The following LRRC34 variants were observed in gnomAD, a reference collection of about 807,000 sequenced individuals.
LRRC34 encodes leucine-rich repeat-containing protein 34.
A neutral mutation model predicts 48.5 loss-of-function variants in LRRC34; 44 were observed. The ratio of observed to expected loss-of-function variants is 0.91; its 90% CI spans 0.71 to 1.17. The LOEUF is 1.17. Among genes scored for constraint, LRRC34 ranks in the 50% most tolerant of loss-of-function variants. LRRC34 has a pLI of 0.00. For synonymous variants in LRRC34, 192 were observed against 197.6 expected (o/e 0.97, Z 0.24); for missense variants, 502 against 563.0 (o/e 0.89, Z 1.10).
chr3:169,804,452 C>T (rs577250711), intron 5 of LRRC34, among the ~76,000 whole-genome samples: 4 of 152,090 alleles, frequency 2.6e-5, no homozygotes, highest in South Asian at 2.1e-4. Context: ...CCCACCACCA[C>T]GCCTGGCTAA....
intron 1 of LRRC34, among the ~76,000 whole-genome samples, chr3:169,811,548 G>A (rs964346635): frequency 5.9e-5 from 9 of 152,184 alleles, no homozygotes; most frequent in African/African-American, 2.2e-4. Context: ...ACCCAGCTAC[G>A]CAGGAAAATG....
chr3:169,795,898 CT>C, intron 9 of LRRC34: 1 of 1,159,930 alleles, frequency 8.6e-7, no homozygotes, highest in Non-Finnish European at 1.1e-6. Context: ...GTATTTTATT[CT>C]TTAGTTCATT....
At chr3:169,808,589 C>A in intron 2 of LRRC34, 39 bp downstream of exon 2, 2 of 1,076,822 alleles carry the variant, frequency 1.9e-6, no homozygotes, top group South Asian at 2.8e-5. Context: ...TGAATATAAG[C>A]AAACACTATT....
intron 1 of LRRC34, among the ~76,000 whole-genome samples, chr3:169,810,185 C>G (rs1018398139): frequency 2.0e-5 from 3 of 151,964 alleles, no homozygotes; most frequent in Non-Finnish European, 4.4e-5. Context: ...AAGTGATCAG[C>G]CTGCCTCAGC....
intron 5 of LRRC34, 107 bp downstream of exon 5, chr3:169,806,741 T>C: frequency 1.6e-6 from 1 of 620,448 alleles, no homozygotes. Context: ...TATACATTCC[T>C]ACAATATTAA....
intron 1 of LRRC34, among the ~76,000 whole-genome samples, chr3:169,809,085 G>T (rs1779476915): frequency 2.0e-5 from 3 of 151,792 alleles, no homozygotes; most frequent in Non-Finnish European, 4.4e-5. Context: ...GACTTCCAAA[G>T]AAATTGTATA....
At chr3:169,799,255 G>C (rs972592772) in intron 7 of LRRC34, among the ~76,000 whole-genome samples, 1 of 152,210 alleles carries the variant, frequency 6.6e-6, no homozygotes, top group African/African-American at 2.4e-5. Context: ...TTCTGAATAT[G>C]AGAATACTAC....
intron 5 of LRRC34, among the ~76,000 whole-genome samples, chr3:169,805,345 T>C (rs1779334240): frequency 6.6e-6 from 1 of 152,138 alleles, no homozygotes; most frequent in African/African-American, 2.4e-5. Flanking sequence ...TGTATTTCCA[T>C]ATGCTAACAA....
chr3:169,807,721 CAAAAAAAAA>C lies in LRRC34; in HGVS notation c.258-21_258-13del, dbSNP rs377198673. On this transcript the variant is annotated splice_polypyrimidine_tract_variant and intron_variant, in intron 2 of 10. Transcript: ENST00000446859. ...TTCCTGCTGCTAGCCTGTTAAAATA[CAAAAAAAAA>C]AAAAAAAAAAAAAGATTTTGAAATA... is the stretch of plus-strand genomic sequence containing the variant. 8 of 883,708 alleles carry C rather than the reference CAAAAAAAAA, an allele frequency of 9.1e-6. No homozygotes were observed. Among genetic ancestry groups the C allele is most frequent in the Admixed American group, 8.8e-5 (1 of 11,360 alleles). 54.7% of individuals were successfully genotyped at this position (883,708 alleles called of 1,614,324 possible).
intron 9 of LRRC34, chr3:169,795,973 G>A: frequency 8.3e-7 from 1 of 1,211,268 alleles, no homozygotes; most frequent in Non-Finnish European, 1.0e-6. Context: ...TTCAGGATAA[G>A]TAATATAAGC....
At chr3:169,795,789 T>C in intron 9 of LRRC34, 178 bp from the exon 10 acceptor site, 1 of 1,293,212 alleles carries the variant, frequency 7.7e-7, no homozygotes, top group Non-Finnish European at 9.8e-7. Flanking sequence ...CTTAAGGTAC[T>C]TAGTAGAGCT....
chr3:169,808,627 C>A lies in LRRC34; in HGVS notation c.257+1G>T, dbSNP rs760093636. The A allele has an allele frequency of 2.9e-6, 4 of 1,397,070 alleles. No homozygotes were observed. In the South Asian group the frequency reaches 4.9e-5, roughly 17 times the overall value. 86.5% of individuals were successfully genotyped at this position (1,397,070 alleles called of 1,614,324 possible). On this transcript the variant is annotated splice_donor_variant, in intron 2 of 10. Transcript: ENST00000446859. LOFTEE classifies it high-confidence loss of function. The stretch of plus-strand genomic sequence containing the variant: ...TGTAATCAAGTATTTGTCTTTCTTA[C>A]CCCTTTTTAATTTCTTCATCCACTT...
intron 1 of LRRC34, among the ~76,000 whole-genome samples, chr3:169,811,373 G>A (rs1469937190): frequency 6.6e-6 from 1 of 152,220 alleles, no homozygotes; most frequent in African/African-American, 2.4e-5. Context: ...AAGCTAGCCA[G>A]AGATTTACAG....
rs1303267619 is a variant in LRRC34 at position 169,793,123 on chromosome 3, G to A, written c.*512C>T. Among the ~76,000 whole-genome samples, 1 of 152,158 alleles carries A rather than the reference G, an allele frequency of 6.6e-6. No homozygotes were observed. Among genetic ancestry groups the A allele is most frequent in the Non-Finnish European group, 1.5e-5 (1 of 68,036 alleles). On this transcript the variant is annotated 3_prime_UTR_variant, in exon 11 of 11. Transcript: ENST00000446859. Reference sequence around the variant, plus strand: ...GTGGGAGAGCTGGCAGCACTGGCTTGTTGGGAAAGGGGTATGTATATGTTT... The same window carrying A: ...GTGGGAGAGCTGGCAGCACTGGCTTATTGGGAAAGGGGTATGTATATGTTT...
rs756574854 is a variant in LRRC34 at position 169,796,376 on chromosome 3, A to G, written c.909-7T>C. 8.2e-6 allele frequency: 13 copies of G among 1,594,368 alleles called. No homozygotes were observed. The East Asian group carries it at 2.5e-4, about 31-fold the overall frequency. ...ATCATGAGTTATTTTGTTGCTGGCA[A>G]AGGAAAAATAGTTATATTTGAAAAT... On this transcript the variant is annotated splice_polypyrimidine_tract_variant and splice_region_variant and intron_variant, in intron 8 of 10. Coordinates refer to ENST00000446859, the MANE Select transcript of LRRC34 (RefSeq NM_001172779.2).
chr3:169,812,137 C>T lies in LRRC34; in HGVS notation c.139+273G>A, dbSNP rs1360883623. 6.6e-6 allele frequency among the ~76,000 whole-genome samples: 1 copy of T among 151,540 alleles called. No homozygotes were observed. Among genetic ancestry groups the T allele is most frequent in the Non-Finnish European group, 1.5e-5 (1 of 67,826 alleles). On this transcript the variant is annotated intron_variant, in intron 1 of 10. Coordinates refer to ENST00000446859, the MANE Select transcript of LRRC34 (RefSeq NM_001172779.2). The surrounding 1 kb of genome is among the most constrained non-coding windows in gnomAD (Gnocchi z 4.3). ...AGAGCACGGCGACAGACACCATCTG[C>T]ACAACCTATCGCGCAAAGGGCGGAC...
At chr3:169,797,062 T>A in intron 7 of LRRC34, 163 bp from the exon 8 acceptor site, 2 of 452,838 alleles carry the variant, frequency 4.4e-6, no homozygotes, top group Non-Finnish European at 7.3e-6. Context: ...AAAAATTATC[T>A]TTGCCACAAA....
At chr3:169,802,791 C>A (rs1302074427) in intron 6 of LRRC34, among the ~76,000 whole-genome samples, 1 of 151,886 alleles carries the variant, frequency 6.6e-6, no homozygotes, top group Non-Finnish European at 1.5e-5. Flanking sequence ...TAGCCAACAT[C>A]ATGAAACCCC....
At chr3:169,803,115 T>G (rs1779253196) in intron 6 of LRRC34, among the ~76,000 whole-genome samples, 1 of 152,204 alleles carries the variant, frequency 6.6e-6, no homozygotes, top group Non-Finnish European at 1.5e-5. Context: ...TGAAAGCATG[T>G]CAGAGAAAGT....
Sources: gnomAD v4.1 joint callset for allele counts (sites outside exome capture counted in the v4.1 genomes callset) on GRCh38, gnomAD v4.1.1 for gene constraint, Gnocchi (gnomAD v3.1) non-coding constraint, MANE v1.5 for transcripts, NCBI Gene and HGNC (gene_info 2026-07-23, HGNC 2026-07-21) for gene names.